The following HYDIN variants were observed in gnomAD, a reference collection of about 807,000 sequenced individuals.
HYDIN encodes axonemal central pair apparatus protein HYDIN.
A neutral mutation model predicts 403.9 loss-of-function variants in HYDIN; 132 were observed. The observed-to-expected ratio is 0.33, with a 90% CI of 0.28 to 0.38. The LOEUF (loss-of-function observed/expected upper bound fraction) is 0.38, where lower values mean the gene tolerates loss of function less well. Ranked by LOEUF, HYDIN falls within the 10% of genes least tolerant of loss-of-function variation. The pLI is 1.00. For synonymous variants in HYDIN, 1,202 were observed against 1,891.7 expected, an observed-to-expected ratio of 0.64 and a Z score of 9.46; for missense variants, 2,827 against 5,009.5, an observed-to-expected ratio of 0.56 and a Z score of 13.15.
intron 47 of HYDIN, among the ~76,000 whole-genome samples, chr16:70,916,832 CTCTT>C (rs1317078845): frequency 6.6e-6 from 1 of 151,932 alleles, no homozygotes; most frequent in Non-Finnish European, 1.5e-5. Context: ...TTTTCTTTTT[CTCTT>C]TCTCTCTTTT....
chr16:71,186,766 G>A lies in HYDIN; in HGVS notation c.130C>T (p.Arg44Ter), dbSNP rs867513811. 6.8e-6 allele frequency: 11 copies of A among 1,610,948 alleles called. No individual in the cohort carries two copies. The highest frequency in any genetic ancestry group is 1.7e-4 in the Middle Eastern group (1 of 6,050). Reference sequence around the variant, plus strand: ...TTAATTCCCGGATACATTACCATTCGGTTTACTTCTTCTTCTGTAACCACC... The same window carrying A: ...TTAATTCCCGGATACATTACCATTCAGTTTACTTCTTCTTCTGTAACCACC... ...PKVVTEEEVN[R>*]MLTPSEFLKE... The change falls in exon 2 of 86, where the codon CGA becomes TGA. Residue 44 changes from arginine (R) to a stop codon, truncating the protein, a stop_gained. Transcript: ENST00000393567. LOFTEE classifies it high-confidence loss of function.
intron 43 of HYDIN, among the ~76,000 whole-genome samples, chr16:70,939,153 G>A (rs2077591762): frequency 6.6e-6 from 1 of 152,194 alleles, no homozygotes. Flanking sequence ...GATAGTAGGA[G>A]CAGGGGTCAG....
chr16:70,834,585 C>T (rs1461531967), intron 78 of HYDIN, among the ~76,000 whole-genome samples: 3 of 152,050 alleles, frequency 2.0e-5, no homozygotes, highest in Admixed American at 6.5e-5. Flanking sequence ...CCGTGGCTCA[C>T]GCCTGTAATC....
intron 35 of HYDIN, among the ~76,000 whole-genome samples, 173 bp downstream of exon 35, chr16:70,973,170 C>A (rs2078781219): frequency 6.6e-6 from 1 of 152,234 alleles, no homozygotes; most frequent in African/African-American, 2.4e-5. Context: ...TGATTCCAGA[C>A]CACCAGGCCA....
At chr16:70,998,255 C>G (rs1177987715) in intron 23 of HYDIN, among the ~76,000 whole-genome samples, 5 of 151,936 alleles carry the variant, frequency 3.3e-5, no homozygotes, top group African/African-American at 4.8e-5. Flanking sequence ...GAAAACATTT[C>G]AAGTATATGG....
intron 18 of HYDIN, among the ~76,000 whole-genome samples, chr16:71,047,485 C>T (rs2081491314): frequency 1.3e-5 from 2 of 152,146 alleles, no homozygotes; most frequent in East Asian, 3.9e-4. Flanking sequence ...TAAGCACAAA[C>T]CTTTGCTTCT....
intron 1 of HYDIN, among the ~76,000 whole-genome samples, chr16:71,212,802 G>A (rs781247350): frequency 2.0e-5 from 3 of 152,024 alleles, no homozygotes; most frequent in African/African-American, 7.2e-5. Context: ...ATAATTTACC[G>A]AAGTGTTGAG....
chr16:70,836,627 A>G (rs1274065515), intron 77 of HYDIN, among the ~76,000 whole-genome samples: 1 of 152,210 alleles, frequency 6.6e-6, no homozygotes. Flanking sequence ...GCCCTCCAAA[A>G]TGGCACTGAC....
At chr16:71,116,348 T>G (rs1175291265) in intron 9 of HYDIN, among the ~76,000 whole-genome samples, 1 of 152,222 alleles carries the variant, frequency 6.6e-6, no homozygotes, top group African/African-American at 2.4e-5. Flanking sequence ...TCATCCATGT[T>G]GTCACAAGTG....
At chr16:71,194,407 C>T (rs1227819119) in intron 1 of HYDIN, among the ~76,000 whole-genome samples, 1 of 152,140 alleles carries the variant, frequency 6.6e-6, no homozygotes, top group Non-Finnish European at 1.5e-5. Flanking sequence ...GAGACTCCGT[C>T]CCAAAAATAA....
chr16:71,112,794 TGGACTAGTCG>T (rs2083882424), intron 10 of HYDIN, among the ~76,000 whole-genome samples: 1 of 152,214 alleles, frequency 6.6e-6, no homozygotes. Flanking sequence ...AGAAGGCTAG[TGGACTAGTCG>T]GGGATAACCT....
intron 23 of HYDIN, among the ~76,000 whole-genome samples, chr16:71,012,391 C>T (rs1389366373): frequency 6.6e-6 from 1 of 152,260 alleles, no homozygotes; most frequent in African/African-American, 2.4e-5. Flanking sequence ...CACAAACTCA[C>T]AGGCTTCAAA....
At chr16:70,900,298 A>T (rs2143749419) in intron 53 of HYDIN, among the ~76,000 whole-genome samples, 1 of 150,442 alleles carries the variant, frequency 6.6e-6, no homozygotes, top group Non-Finnish European at 1.5e-5. Context: ...CAACATGGTG[A>T]AACCCCGTCT....
At position 70,833,919 on chromosome 16, in the gene HYDIN, G is replaced by T; in HGVS notation, c.13647C>A (p.Ile4549=). The T allele has an allele frequency of 6.2e-7, 1 of 1,613,654 alleles. No individual in the cohort carries two copies. Among genetic ancestry groups the T allele is most frequent in the South Asian group, 1.1e-5 (1 of 91,026 alleles). Residue 4549 remains isoleucine (I), a synonymous_variant, in exon 79 of 86, where the codon ATC becomes ATA. Coordinates refer to ENST00000393567, the MANE Select transcript of HYDIN (RefSeq NM_001270974.2). ...VVYQTQATRR[I]LMMNTGDVGA... ...CCACATCGCCTGTGTTCATCATGAG[G>T]ATGCGACGTGTGGCTTGCGTCTGAT...
chr16:70,809,088 T>A (rs1020741505), intron 85 of HYDIN, among the ~76,000 whole-genome samples: 3 of 152,354 alleles, frequency 2.0e-5, no homozygotes, highest in Admixed American at 2.0e-4. Flanking sequence ...TTTTATTTTA[T>A]GTTTTTAAAT....
At chr16:71,157,855 C>CA (rs1206183020) in intron 6 of HYDIN, among the ~76,000 whole-genome samples, 1 of 143,526 alleles carries the variant, frequency 7.0e-6, no homozygotes, top group Non-Finnish European at 1.5e-5. Flanking sequence ...GGACTGGAAG[C>CA]AAAAGGAGAG....
chr16:71,225,247 G>A (rs1018533823), intron 1 of HYDIN, among the ~76,000 whole-genome samples: 4 of 152,052 alleles, frequency 2.6e-5, no homozygotes, highest in Admixed American at 6.5e-5. Context: ...CAGGTTTTTC[G>A]TAGCAGACTT....
chr16:71,051,645 C>CAAAAAAAAAAAAAA (rs56676777), intron 18 of HYDIN, among the ~76,000 whole-genome samples: 20 of 120,122 alleles, frequency 1.7e-4, no homozygotes, highest in Non-Finnish European at 1.9e-4. Context: ...GACTCTGTCT[C>CAAAAAAAAAAAAAA]AAAAAAAAAA....
intron 1 of HYDIN, among the ~76,000 whole-genome samples, chr16:71,198,010 G>A (rs930838962): frequency 2.6e-5 from 4 of 152,232 alleles, no homozygotes; most frequent in African/African-American, 4.8e-5. Context: ...GTCTCCCAAA[G>A]TGCTGGGATT....
Sources: allele counts gnomAD v4.1 joint callset (sites outside exome capture counted in the v4.1 genomes callset), GRCh38; gene constraint gnomAD v4.1.1; transcripts MANE v1.5; gene names NCBI Gene and HGNC (gene_info 2026-07-23, HGNC 2026-07-21).